Variants in DGKB observed in about 807,000 individuals in gnomAD.
DGKB encodes 90 kDa diacylglycerol kinase.
A neutral mutation model predicts 114.3 loss-of-function variants in DGKB; 67 were observed. That is an observed-to-expected ratio of 0.59 (90% CI 0.48 to 0.72). The LOEUF is 0.72. DGKB is among the 30% of genes least tolerant of loss of function. The pLI, the probability that DGKB is intolerant of heterozygous loss-of-function variation, is 0.00. For synonymous variants in DGKB, 398 were observed against 323.1 expected (o/e 1.23, Z -2.49); for missense variants, 907 against 975.2 (o/e 0.93, Z 0.93).
intron 1 of DGKB, among the ~76,000 whole-genome samples, chr7:14,878,743 C>G (rs376453580): frequency 3.3e-5 from 4 of 120,836 alleles, no homozygotes; most frequent in South Asian, 5.4e-4. Context: ...CGTGAGACTC[C>G]GTCTCAAAAA....
At chr7:14,899,099 A>G (rs1782569186) in intron 1 of DGKB, among the ~76,000 whole-genome samples, 2 of 152,168 alleles carry the variant, frequency 1.3e-5, no homozygotes, top group African/African-American at 4.8e-5. Flanking sequence ...GTCTTCTGTG[A>G]TAAGACAAGT....
intron 20 of DGKB, among the ~76,000 whole-genome samples, chr7:14,521,070 T>C (rs1789691195): frequency 6.6e-6 from 1 of 152,138 alleles, no homozygotes; most frequent in South Asian, 2.1e-4. Context: ...TGTCAGGAAT[T>C]TTTTTGTATT....
intron 23 of DGKB, among the ~76,000 whole-genome samples, chr7:14,279,673 G>C (rs1018151766): frequency 2.0e-5 from 3 of 152,186 alleles, no homozygotes; most frequent in African/African-American, 7.2e-5. Context: ...CTCAAAGGCA[G>C]ACTGCCTCCT....
Position 14,963,589 on chromosome 7 carries a change from G to A in DGKB, c.-188+11107C>T, listed in dbSNP as rs117941102. Among the ~76,000 whole-genome samples the A allele has an allele frequency of 2.6e-3, 391 of 152,268 alleles. 2 individuals carry two copies. Among genetic ancestry groups the A allele is most frequent in the Admixed American group, 0.019 (296 of 15,270 alleles). On this transcript the variant is annotated intron_variant, in intron 1 of 4. Transcript: ENST00000437998. ...TCCTTAAAAGTAAATTCACATTGGA[G>A]TGGAGGAATGGTCGTCTGCCTGTTG...
chr7:14,522,251 C>T (rs150013865), intron 20 of DGKB, among the ~76,000 whole-genome samples: 19 of 152,224 alleles, frequency 1.2e-4, no homozygotes, highest in Admixed American at 2.6e-4. Flanking sequence ...ACATCTTTGT[C>T]GCACATGCAT....
At chr7:14,585,601 C>G (rs1800627845) in intron 17 of DGKB, among the ~76,000 whole-genome samples, 1 of 152,108 alleles carries the variant, frequency 6.6e-6, no homozygotes, top group Admixed American at 6.6e-5. Flanking sequence ...TACATTCTTG[C>G]AAAAAGTGCA....
At chr7:14,925,634 A>C (rs1018470742) in intron 1 of DGKB, among the ~76,000 whole-genome samples, 5 of 152,118 alleles carry the variant, frequency 3.3e-5, no homozygotes, top group African/African-American at 1.2e-4. Context: ...TTTGTACCTG[A>C]ATATTTCATC....
At chr7:14,906,349 T>TAAAC (rs1244706876), upstream of DGKB, among the ~76,000 whole-genome samples, 1 of 151,996 alleles carries the variant, frequency 6.6e-6, no homozygotes, top group Non-Finnish European at 1.5e-5. Flanking sequence ...AATTAATTCT[T>TAAAC]AAACAAACAA....
chr7:14,720,337 CTG>C (rs1282878459), intron 5 of DGKB, among the ~76,000 whole-genome samples: 1 of 152,086 alleles, frequency 6.6e-6, no homozygotes, highest in Non-Finnish European at 1.5e-5. Context: ...GAGTCTCGCT[CTG>C]TAACCCAGGG....
chr7:14,426,316 T>C (rs934623097), intron 21 of DGKB, among the ~76,000 whole-genome samples: 1 of 152,162 alleles, frequency 6.6e-6, no homozygotes, highest in Admixed American at 6.6e-5. Flanking sequence ...AGCTAAGTGA[T>C]TTAAAGCCAT....
In DGKB at chr7:14,931,198, G is replaced by A. The variant is rs149369328; in HGVS notation, c.-188+43498C>T. Among the ~76,000 whole-genome samples, 328 of 149,468 alleles carry A rather than the reference G, an allele frequency of 2.2e-3. 4 individuals carry two copies. The highest frequency in any genetic ancestry group is 7.8e-3 in the African/African-American group (314 of 40,464). On this transcript the variant is annotated intron_variant, in intron 1 of 4. Coordinates refer to the DGKB transcript ENST00000437998. The stretch of plus-strand genomic sequence containing the variant: ...GCTATCTCAGCTCATTGCAACCTCC[G>A]CCTCCTGAGTTCAAGCGATTCTCCT...
At chr7:14,469,757 C>T (rs564789849) in intron 21 of DGKB, among the ~76,000 whole-genome samples, 2 of 151,754 alleles carry the variant, frequency 1.3e-5, no homozygotes, top group Admixed American at 6.6e-5. Context: ...ATATATGAAT[C>T]GAGGAGCATA....
chr7:14,571,219 T>C (rs960987535), intron 20 of DGKB, among the ~76,000 whole-genome samples: 3 of 152,226 alleles, frequency 2.0e-5, no homozygotes, highest in African/African-American at 7.2e-5. Flanking sequence ...ATTAGTGATA[T>C]TTCAGATTTG....
At chr7:14,657,676 T>C (rs1045721487) in intron 13 of DGKB, among the ~76,000 whole-genome samples, 6 of 151,884 alleles carry the variant, frequency 4.0e-5, no homozygotes, top group African/African-American at 1.4e-4. Flanking sequence ...GCAAGACACA[T>C]CCTTAGTTAG....
intron 23 of DGKB, among the ~76,000 whole-genome samples, chr7:14,327,077 A>G (rs1808869665): frequency 6.6e-6 from 1 of 152,080 alleles, no homozygotes; most frequent in South Asian, 2.1e-4. Context: ...CATTTATTTC[A>G]TTTTTGATTA....
At chr7:14,371,754 C>T (rs774338529) in intron 21 of DGKB, among the ~76,000 whole-genome samples, 7 of 152,030 alleles carry the variant, frequency 4.6e-5, no homozygotes, top group South Asian at 2.1e-4. Context: ...TTCCCAAGGC[C>T]GATGTTTCCT....
At chr7:14,470,167 G>A (rs1008001783) in intron 21 of DGKB, among the ~76,000 whole-genome samples, 5 of 151,884 alleles carry the variant, frequency 3.3e-5, no homozygotes, top group African/African-American at 1.2e-4. Context: ...AAGTGCTTTA[G>A]GACATGAAAC....
chr7:14,313,424 C>A (rs1245284952), intron 23 of DGKB, among the ~76,000 whole-genome samples: 3 of 152,050 alleles, frequency 2.0e-5, no homozygotes, highest in Middle Eastern at 3.2e-3. Flanking sequence ...GCGCACAGTG[C>A]GCGAGCCGAA....
At position 14,675,395 on chromosome 7, in the gene DGKB, G is replaced by A. The variant is rs368116812; in HGVS notation, c.1036-2368C>T. ...GAGGGTTACTGATGTAAGAAAGGAT[G>A]ACAAAAATAAAATTAATTTGATGAT... On this transcript the variant is annotated intron_variant, in intron 12 of 25. Coordinates refer to ENST00000402815, the MANE Select transcript of DGKB (RefSeq NM_001350709.2). 1.8e-4 allele frequency among the ~76,000 whole-genome samples: 28 copies of A among 152,130 alleles called. No homozygotes were observed. In the East Asian group the frequency reaches 3.9e-3, roughly 21 times the overall value.
Sources: allele counts gnomAD v4.1 joint callset (sites outside exome capture counted in the v4.1 genomes callset), GRCh38; gene constraint gnomAD v4.1.1; transcripts MANE v1.5; gene names NCBI Gene and HGNC (gene_info 2026-07-23, HGNC 2026-07-21).